Variants in TYW1B observed in about 807,000 individuals in gnomAD.
TYW1B encodes tRNA-yW synthesizing protein 1 homolog B.
In TYW1B, 73 loss-of-function variants were observed where a neutral mutation model predicts 86.9. That is an observed-to-expected ratio of 0.84 (90% CI 0.70 to 1.02). The LOEUF (loss-of-function observed/expected upper bound fraction) is 1.02, where lower values mean the gene tolerates loss of function less well. Ranked by LOEUF, TYW1B falls within the 50% of genes least tolerant of loss-of-function variation. TYW1B has a pLI of 0.00. For synonymous variants in TYW1B, 248 were observed against 292.8 expected (o/e 0.85, Z 1.56); for missense variants, 637 against 827.4 (o/e 0.77, Z 2.82).
intron 10 of TYW1B, among the ~76,000 whole-genome samples, chr7:72,711,112 C>T (rs1209039658): frequency 6.6e-6 from 1 of 152,184 alleles, no homozygotes; most frequent in African/African-American, 2.4e-5. Flanking sequence ...TCTTGGGTAA[C>T]TGCCAAACTT....
At chr7:72,664,700 G>A (rs143728018) in intron 11 of TYW1B, among the ~76,000 whole-genome samples, 141 of 152,040 alleles carry the variant, frequency 9.3e-4, no homozygotes, top group African/African-American at 3.2e-3. Context: ...GAATTCCCAC[G>A]ACACAAGTTT....
At chr7:72,827,721 CATT>C (rs2129573038) in intron 1 of TYW1B, among the ~76,000 whole-genome samples, 1 of 152,000 alleles carries the variant, frequency 6.6e-6, no homozygotes, top group East Asian at 1.9e-4. Flanking sequence ...CCTTACGTCT[CATT>C]TTTTTTTTTA....
rs1788518785 is a variant in TYW1B, at chr7:72,807,365, A to G, written c.433-9T>C. On this transcript the variant is annotated splice_polypyrimidine_tract_variant and intron_variant, in intron 4 of 13. Coordinates refer to ENST00000620995, the MANE Select transcript of TYW1B (RefSeq NM_001145440.3). ...TCAACATTTTTGCCAACCTGCGAGG[A>G]AAAGATAGATAGGCTAAAAGCACGG... The G allele has an allele frequency of 6.2e-7, 1 of 1,610,136 alleles. No homozygotes were observed. The highest frequency in any genetic ancestry group is 1.7e-5 in the Admixed American group (1 of 59,878).
At chr7:72,679,187 G>C (rs1813810807) in intron 11 of TYW1B, among the ~76,000 whole-genome samples, 1 of 152,196 alleles carries the variant, frequency 6.6e-6, no homozygotes, top group Admixed American at 6.6e-5. Flanking sequence ...AGTCTCATAA[G>C]TATAATCATG....
At chr7:72,805,805 A>G (rs1472586512) in intron 5 of TYW1B, among the ~76,000 whole-genome samples, 2 of 152,140 alleles carry the variant, frequency 1.3e-5, no homozygotes, top group Non-Finnish European at 2.9e-5. Flanking sequence ...CAAGGATGCC[A>G]CAGCCCCAAA....
At position 72,790,816 on chromosome 7, in the gene TYW1B, C is replaced by T. The variant is rs535803898; in HGVS notation, c.846+11584G>A. Among the ~76,000 whole-genome samples, 734 of 152,354 alleles carry T rather than the reference C, an allele frequency of 4.8e-3. 7 individuals are homozygous for T. The highest frequency in any genetic ancestry group is 8.3e-3 in the Non-Finnish European group (568 of 68,032). On this transcript the variant is annotated intron_variant, in intron 6 of 13. Transcript: ENST00000620995. ...ACAAGCAATACCTCTTGTTCCAGCA[C>T]GACCAAGGGAGCCAGCCTCCAGTGA... is the stretch of plus-strand genomic sequence containing the variant.
At chr7:72,631,505 C>A (rs1258837214) in intron 11 of TYW1B, among the ~76,000 whole-genome samples, 2 of 152,064 alleles carry the variant, frequency 1.3e-5, no homozygotes, top group African/African-American at 2.4e-5. Context: ...CAGAGTGAGA[C>A]TCTGTCTCAA....
intron 11 of TYW1B, among the ~76,000 whole-genome samples, chr7:72,630,719 C>T (rs1268983503): frequency 6.6e-6 from 1 of 152,098 alleles, no homozygotes; most frequent in Admixed American, 6.6e-5. Flanking sequence ...CTCAAAAGTT[C>T]CTTCTAAAAT....
intron 10 of TYW1B, among the ~76,000 whole-genome samples, chr7:72,698,270 T>C (rs1554451846): frequency 1.3e-5 from 2 of 152,246 alleles, no homozygotes; most frequent in South Asian, 2.1e-4. Flanking sequence ...AAAATGACCA[T>C]GTAGTTGCTA....
intron 10 of TYW1B, among the ~76,000 whole-genome samples, chr7:72,709,283 AG>A (rs1554454203): frequency 6.6e-6 from 1 of 152,204 alleles, no homozygotes; most frequent in African/African-American, 2.4e-5. Context: ...GTTCCAGGGA[AG>A]GACATACCCT....
chr7:72,710,284 C>T (rs1230975170), intron 10 of TYW1B, among the ~76,000 whole-genome samples: 3 of 152,150 alleles, frequency 2.0e-5, no homozygotes, highest in Admixed American at 6.6e-5. Context: ...ACCCCAAACA[C>T]CACTCTATCC....
intron 2 of TYW1B, among the ~76,000 whole-genome samples, chr7:72,822,173 A>G (rs1788840661): frequency 6.7e-6 from 1 of 149,944 alleles, no homozygotes; most frequent in African/African-American, 2.4e-5. Flanking sequence ...AAAAAAAAAA[A>G]AAAAAAAAAA....
Position 72,575,251 on chromosome 7 carries a change from A to G in TYW1B, c.*247T>C, listed in dbSNP as rs1231093517. The G allele has an allele frequency of 3.7e-6, 5 of 1,338,998 alleles. No homozygotes were observed. Among genetic ancestry groups the G allele is most frequent in the South Asian group, 1.8e-5 (1 of 56,064 alleles). 82.9% of individuals were successfully genotyped at this position (1,338,998 alleles called of 1,614,324 possible). A position where few individuals can be genotyped will look rare whatever the true frequency, so the allele number is the denominator to read the frequency against. On this transcript the variant is annotated 3_prime_UTR_variant, in exon 14 of 14. Transcript: ENST00000620995. ...AATCACGACTGTGTAGTTCCTCCCC[A>G]AAATAATTTTCCTCTTAGAAGTAAA...
chr7:72,639,789 T>C (rs1405267969), intron 11 of TYW1B, among the ~76,000 whole-genome samples: 1 of 150,004 alleles, frequency 6.7e-6, no homozygotes, highest in Admixed American at 6.7e-5. Flanking sequence ...TCACTTGAAC[T>C]CAGGAGGCAG....
At chr7:72,760,042 G>A (rs1787661159) in intron 7 of TYW1B, among the ~76,000 whole-genome samples, 1 of 152,100 alleles carries the variant, frequency 6.6e-6, no homozygotes, top group Non-Finnish European at 1.5e-5. Context: ...CCGGCACACA[G>A]AGGCAAAAAG....
chr7:72,616,048 A>G (rs1451273661), intron 13 of TYW1B, among the ~76,000 whole-genome samples: 6 of 152,234 alleles, frequency 3.9e-5, no homozygotes, highest in African/African-American at 1.4e-4. Context: ...TTAAAGAAAT[A>G]AAGACTAAGA....
At chr7:72,713,925 C>T in intron 9 of TYW1B, 127 bp from the exon 10 acceptor site, 1 of 585,980 alleles carries the variant, frequency 1.7e-6, no homozygotes, top group Non-Finnish European at 3.0e-6. Flanking sequence ...AAAACAAAGG[C>T]TAAAGGGCAG....
intron 11 of TYW1B, among the ~76,000 whole-genome samples, chr7:72,648,117 A>G (rs1328428949): frequency 6.6e-6 from 1 of 152,214 alleles, no homozygotes; most frequent in Non-Finnish European, 1.5e-5. Flanking sequence ...AAATACAACA[A>G]AAGTTTTGGG....
chr7:72,694,590 A>G, intron 11 of TYW1B, 97 bp downstream of exon 11: 1 of 1,350,080 alleles, frequency 7.4e-7, no homozygotes, highest in South Asian at 2.2e-5. Flanking sequence ...AAAAGAGGAA[A>G]AAGTACCTCT....
Sources: gnomAD v4.1 joint callset for allele counts (sites outside exome capture counted in the v4.1 genomes callset) on GRCh38, gnomAD v4.1.1 for gene constraint, MANE v1.5 for transcripts, NCBI Gene and HGNC (gene_info 2026-07-23, HGNC 2026-07-21) for gene names.